The following RAB40B variants were observed in gnomAD, a reference collection of about 807,000 sequenced individuals.
The protein encoded by RAB40B is RAB40B, member RAS oncogene family.
RAB40B carries 21 observed loss-of-function variants against 24.0 expected under a neutral mutation model. That is an observed-to-expected ratio of 0.88 (90% confidence interval 0.62 to 1.26). The LOEUF (loss-of-function observed/expected upper bound fraction) is 1.26. Ranked by LOEUF, RAB40B falls within the 50% of genes most tolerant of loss-of-function variation. RAB40B has a pLI of 0.00. For synonymous variants in RAB40B, 167 were observed against 169.8 expected (o/e 0.98, Z 0.13); for missense variants, 348 against 390.5 (o/e 0.89, Z 0.92).
rs906026351 is a variant in RAB40B, at chr17:82,692,622, T to C, written c.142+5833A>G. Among the ~76,000 whole-genome samples, 1 of 152,070 alleles carries C rather than the reference T, an allele frequency of 6.6e-6. No individual in the cohort carries two copies. Among genetic ancestry groups the C allele is most frequent in the African/African-American group, 2.4e-5 (1 of 41,396 alleles). ...GTGGGGGGCATCCGACTGAAAAAAG[T>C]GTGTCTCGATCCCTGCCTCAGGCCT... On this transcript the variant is annotated intron_variant, in intron 1 of 5. Transcript: ENST00000571995. This position sits in a 1 kb window ranked among gnomAD's most constrained non-coding sequence, Gnocchi z 4.0.
chr17:82,672,667 C>T (rs1484292692), intron 1 of RAB40B, among the ~76,000 whole-genome samples: 1 of 152,238 alleles, frequency 6.6e-6, no homozygotes, highest in Non-Finnish European at 1.5e-5. Context: ...GCGCGATGCC[C>T]TCTGCCAGGT....
intron 1 of RAB40B, among the ~76,000 whole-genome samples, chr17:82,685,358 C>A (rs1417888139): frequency 7.1e-6 from 1 of 141,084 alleles, no homozygotes; most frequent in East Asian, 1.9e-4. Flanking sequence ...GCCGTGCACT[C>A]AACTGAACGC....
At chr17:82,664,714 G>A in intron 1 of RAB40B, 158 bp from the exon 2 acceptor site, 1 of 691,050 alleles carries the variant, frequency 1.4e-6, no homozygotes, top group Non-Finnish European at 2.4e-6. Flanking sequence ...CAAGCTCACA[G>A]GGGCCCTGCC....
chr17:82,662,636 C>T lies in RAB40B; in HGVS notation c.204-1589G>A, dbSNP rs968432676. Reference sequence around the variant, plus strand: ...CGGTGGGAGTGTGACCTTGCTCAGACGACAGTGTGGACAGAGCTGGCACCG... The same window carrying T: ...CGGTGGGAGTGTGACCTTGCTCAGATGACAGTGTGGACAGAGCTGGCACCG... On this transcript the variant is annotated intron_variant, in intron 2 of 5. Coordinates refer to ENST00000571995, the MANE Select transcript of RAB40B (RefSeq NM_006822.3). 242 of 985,098 alleles carry T rather than the reference C, an allele frequency of 2.5e-4. 1 individual carries two copies. Among genetic ancestry groups the T allele is most frequent in the Non-Finnish European group, 2.7e-4 (227 of 829,898 alleles). The allele number at this position is 985,098 out of a possible 1,614,324, so 61.0% of individuals were successfully genotyped here. A position where few individuals can be genotyped will look rare whatever the true frequency, so the allele number is the denominator to read the frequency against.
chr17:82,685,985 G>A (rs2046496004), intron 1 of RAB40B, among the ~76,000 whole-genome samples: 1 of 151,932 alleles, frequency 6.6e-6, no homozygotes, highest in Admixed American at 6.6e-5. Context: ...TGTATTTTTA[G>A]TAGAGACGGG....
rs2046570229 is a variant in RAB40B, at chr17:82,692,629, C to T, written c.142+5826G>A. Among the ~76,000 whole-genome samples the T allele has an allele frequency of 6.6e-6, 1 of 152,164 alleles. No homozygotes were observed. The highest frequency in any genetic ancestry group is 2.1e-4 in the South Asian group (1 of 4,828). Reference sequence around the variant, plus strand: ...GCATCCGACTGAAAAAAGTGTGTCTCGATCCCTGCCTCAGGCCTCACCCCA... The same window carrying T: ...GCATCCGACTGAAAAAAGTGTGTCTTGATCCCTGCCTCAGGCCTCACCCCA... On this transcript the variant is annotated intron_variant, in intron 1 of 5. Coordinates refer to ENST00000571995, the MANE Select transcript of RAB40B (RefSeq NM_006822.3). The surrounding 1 kb of genome is among the most constrained non-coding windows in gnomAD (Gnocchi z 4.0).
chr17:82,657,684 C>G lies in RAB40B; in HGVS notation c.*179G>C. 1.3e-6 allele frequency: 1 copy of G among 780,180 alleles called. No individual in the cohort carries two copies. Among genetic ancestry groups the G allele is most frequent in the Admixed American group, 1.9e-5 (1 of 53,282 alleles). 48.3% of individuals were successfully genotyped at this position (780,180 alleles called of 1,614,324 possible). On this transcript the variant is annotated 3_prime_UTR_variant, in exon 6 of 6. Transcript: ENST00000571995. ...TCGAAAACAAGAGCTTCATGCACATCCACGTAGAAATTCGAAGTCCGACGG... is the reference window on the plus strand; with the variant it reads ...TCGAAAACAAGAGCTTCATGCACATGCACGTAGAAATTCGAAGTCCGACGG...
At chr17:82,694,534 A>AT (rs1268044595) in intron 1 of RAB40B, among the ~76,000 whole-genome samples, 9 of 145,644 alleles carry the variant, frequency 6.2e-5, no homozygotes, top group Non-Finnish European at 3.0e-5. Flanking sequence ...TACATCTAAG[A>AT]AAAAAAAAAT....
At chr17:82,677,507 C>T (rs1043375235) in intron 1 of RAB40B, among the ~76,000 whole-genome samples, 16 of 152,184 alleles carry the variant, frequency 1.1e-4, no homozygotes, top group African/African-American at 3.6e-4. Context: ...CCTGATGTGT[C>T]CCCCTTGCCA....
chr17:82,660,975 A>G lies in RAB40B; in HGVS notation c.264+12T>C. On this transcript the variant is annotated intron_variant, in intron 3 of 5. Transcript: ENST00000571995. ...TTGGTTTGATCTCCCAGCTCGGGGG[A>G]TGCTGTGTTACCTGTGCGCCCCGGG... is the stretch of plus-strand genomic sequence containing the variant. 1 of 1,613,354 alleles carries G rather than the reference A, an allele frequency of 6.2e-7. No homozygotes were observed. The highest frequency in any genetic ancestry group is 8.5e-7 in the Non-Finnish European group (1 of 1,179,544).
rs1298858027 is a variant in RAB40B, at chr17:82,692,469, C to A, written c.142+5986G>T. On this transcript the variant is annotated intron_variant, in intron 1 of 5. Coordinates refer to ENST00000571995, the MANE Select transcript of RAB40B (RefSeq NM_006822.3). This position sits in a 1 kb window ranked among gnomAD's most constrained non-coding sequence, Gnocchi z 4.0. ...ACTGCCCTGGCCAGCACAGGGCATGCCCATCCACAGAAGACAGAGTCTGAC... is the reference window on the plus strand; with the variant it reads ...ACTGCCCTGGCCAGCACAGGGCATGACCATCCACAGAAGACAGAGTCTGAC... Among the ~76,000 whole-genome samples the A allele has an allele frequency of 6.6e-6, 1 of 152,298 alleles. No individual in the cohort carries two copies. The highest frequency in any genetic ancestry group is 1.9e-4 in the East Asian group (1 of 5,186).
rs2143485255 is a variant in RAB40B, at chr17:82,667,982, G to A, written c.143-3426C>T. On this transcript the variant is annotated intron_variant, in intron 1 of 5. Coordinates refer to ENST00000571995, the MANE Select transcript of RAB40B (RefSeq NM_006822.3). The surrounding 1 kb of genome is among the most constrained non-coding windows in gnomAD (Gnocchi z 4.3). ...CCTTTGGGATGTTGCTCTTCCGGCTGGAAACCTCTGTGGCTGCTGAATTAT... is the reference window on the plus strand; with the variant it reads ...CCTTTGGGATGTTGCTCTTCCGGCTAGAAACCTCTGTGGCTGCTGAATTAT... 6.6e-6 allele frequency among the ~76,000 whole-genome samples: 1 copy of A among 152,282 alleles called. No individual in the cohort carries two copies. Among genetic ancestry groups the A allele is most frequent in the Admixed American group, 6.5e-5 (1 of 15,296 alleles).
Position 82,658,473 on chromosome 17 carries a change from A to G in RAB40B, c.565+18T>C. 1 of 1,610,220 alleles carries G rather than the reference A, an allele frequency of 6.2e-7. No homozygotes were observed. The highest frequency in any genetic ancestry group is 8.5e-7 in the Non-Finnish European group (1 of 1,179,104). On this transcript the variant is annotated intron_variant, in intron 5 of 5. Coordinates refer to ENST00000571995, the MANE Select transcript of RAB40B (RefSeq NM_006822.3). ...TCTGGAGGGCAGAGGTGGCCCCCGG[A>G]ATAGCCCCTGGGCCTACCCTTGCTC... is the stretch of plus-strand genomic sequence containing the variant.
intron 1 of RAB40B, among the ~76,000 whole-genome samples, chr17:82,690,569 G>C (rs1443150399): frequency 9.7e-5 from 11 of 112,826 alleles, no homozygotes; most frequent in Non-Finnish European, 1.3e-4. Context: ...CACGTGTGTT[G>C]CCGGGGAGCA....
At chr17:82,693,698 G>T (rs1023943500) in intron 1 of RAB40B, among the ~76,000 whole-genome samples, 3 of 152,212 alleles carry the variant, frequency 2.0e-5, no homozygotes, top group Middle Eastern at 3.4e-3. Flanking sequence ...GTCACAAAAG[G>T]GATGTCACCA....
chr17:82,695,893 TAA>T (rs922928186), intron 1 of RAB40B, among the ~76,000 whole-genome samples: 3 of 152,090 alleles, frequency 2.0e-5, no homozygotes, highest in Non-Finnish European at 2.9e-5. Flanking sequence ...ATTTTTTTTT[TAA>T]GACAGAATTT....
rs115429052 is a variant in RAB40B, at chr17:82,667,282, C to T, written c.143-2726G>A. Reference sequence around the variant, plus strand: ...TCGGGCAGAGCGAGGTGTGCAGTGGCGGTGCCACCGGTGGCCTCCCACTTG... The same window carrying T: ...TCGGGCAGAGCGAGGTGTGCAGTGGTGGTGCCACCGGTGGCCTCCCACTTG... On this transcript the variant is annotated intron_variant, in intron 1 of 5. Transcript: ENST00000571995. The surrounding 1 kb of genome is among the most constrained non-coding windows in gnomAD (Gnocchi z 4.3). Among the ~76,000 whole-genome samples, 4,709 of 152,334 alleles carry T rather than the reference C, an allele frequency of 0.031. 258 individuals are homozygous for T. Among genetic ancestry groups the T allele is most frequent in the African/African-American group, 0.11 (4,487 of 41,564 alleles).
chr17:82,698,365 A>AC lies in RAB40B; in HGVS notation c.142+89dup. 45 of 204,642 alleles carry AC rather than the reference A, an allele frequency of 2.2e-4. 1 individual carries two copies. Among genetic ancestry groups the AC allele is most frequent in the Non-Finnish European group, 3.0e-4 (42 of 139,898 alleles). 12.7% of individuals were successfully genotyped at this position (204,642 alleles called of 1,614,324 possible). The stretch of plus-strand genomic sequence containing the variant: ...CCCCTGCCCGGTCTCGCGTCCCCGG[A>AC]CCCGGACCCCCACCCGCACCCCCTC... On this transcript the variant is annotated intron_variant, in intron 1 of 5. Coordinates refer to ENST00000571995, the MANE Select transcript of RAB40B (RefSeq NM_006822.3).
Position 82,662,601 on chromosome 17 carries a change from C to T in RAB40B, c.204-1554G>A, listed in dbSNP as rs1021301455. ...AGGACCACACTCTGGGGTCCACACTCCGGGGTCCACGGTGGGAGTGTGACC... is the reference window on the plus strand; with the variant it reads ...AGGACCACACTCTGGGGTCCACACTTCGGGGTCCACGGTGGGAGTGTGACC... On this transcript the variant is annotated intron_variant, in intron 2 of 5. Transcript: ENST00000571995. 6 of 985,150 alleles carry T rather than the reference C, an allele frequency of 6.1e-6. No individual in the cohort carries two copies. In the African/African-American group the frequency reaches 7.0e-5, roughly 11 times the overall value. The allele number at this position is 985,150 out of a possible 1,614,324, so 61.0% of individuals were successfully genotyped here.
Sources: allele counts gnomAD v4.1 joint callset (sites outside exome capture counted in the v4.1 genomes callset), GRCh38; gene constraint gnomAD v4.1.1; non-coding constraint Gnocchi (gnomAD v3.1); transcripts MANE v1.5; gene names NCBI Gene and HGNC (gene_info 2026-07-23, HGNC 2026-07-21).